Variants in CNTNAP4 observed in about 807,000 individuals in gnomAD.
CNTNAP4 encodes contactin-associated protein-like 4.
CNTNAP4 carries 98 observed loss-of-function variants against 148.4 expected under a neutral mutation model. The observed-to-expected ratio is 0.66, with a 90% CI of 0.56 to 0.78. CNTNAP4 has a LOEUF of 0.78. Ranked by LOEUF, CNTNAP4 falls within the 30% of genes least tolerant of loss-of-function variation. CNTNAP4 has a pLI of 0.00. For missense variants in CNTNAP4, 1,935 were observed against 1,565.6 expected, an observed-to-expected ratio of 1.24 and a Z score of -3.98; for synonymous variants, 730 against 565.1, an observed-to-expected ratio of 1.29 and a Z score of -4.14.
At chr16:76,472,884 C>A (rs761856948) in intron 10 of CNTNAP4, among the ~76,000 whole-genome samples, 1 of 152,048 alleles carries the variant, frequency 6.6e-6, no homozygotes, top group Non-Finnish European at 1.5e-5. Context: ...ATGAAACAAT[C>A]TGTACAACAA....
At chr16:76,330,668 G>C (rs186257046) in intron 2 of CNTNAP4, among the ~76,000 whole-genome samples, 1 of 152,126 alleles carries the variant, frequency 6.6e-6, no homozygotes, top group Non-Finnish European at 1.5e-5. Context: ...TAGCTAGCCC[G>C]TCTTTGCTTA....
intron 2 of CNTNAP4, among the ~76,000 whole-genome samples, chr16:76,327,208 C>G (rs970963074): frequency 6.6e-6 from 1 of 152,158 alleles, no homozygotes; most frequent in Admixed American, 6.5e-5. Flanking sequence ...CCATCACTGC[C>G]TCTCCTGTCT....
intron 3 of CNTNAP4, among the ~76,000 whole-genome samples, chr16:76,374,883 C>T (rs928964564): frequency 6.6e-6 from 1 of 151,804 alleles, no homozygotes; most frequent in Non-Finnish European, 1.5e-5. Flanking sequence ...ATTCTCCTGC[C>T]TCTGCCTCTC....
intron 17 of CNTNAP4, among the ~76,000 whole-genome samples, chr16:76,526,581 T>C (rs1252155814): frequency 6.6e-6 from 1 of 152,190 alleles, no homozygotes; most frequent in Non-Finnish European, 1.5e-5. Flanking sequence ...TCATTGATGT[T>C]AGTGTTTTAC....
intron 2 of CNTNAP4, among the ~76,000 whole-genome samples, chr16:76,354,548 A>G (rs72628210): frequency 0.13 from 19,816 of 152,118 alleles, 2,008 homozygotes; most frequent in East Asian, 0.48. Flanking sequence ...GGCTGGGGTG[A>G]GGGCAGGTGC....
chr16:76,483,066 G>C (rs1431772712), intron 12 of CNTNAP4, among the ~76,000 whole-genome samples: 1 of 152,064 alleles, frequency 6.6e-6, no homozygotes, highest in Admixed American at 6.6e-5. Flanking sequence ...GGATAGGTTG[G>C]ATTGTGAGTG....
intron 3 of CNTNAP4, among the ~76,000 whole-genome samples, chr16:76,401,604 G>A (rs2078420126): frequency 6.6e-6 from 1 of 152,162 alleles, no homozygotes. Flanking sequence ...GTGAGAGGGG[G>A]CATCCTTGTC....
rs543332888 is a variant in CNTNAP4, at chr16:76,525,257, A to G, written c.2755+3000A>G. Among the ~76,000 whole-genome samples the G allele has an allele frequency of 2.4e-3, 360 of 152,068 alleles. 2 individuals are homozygous for G. The highest frequency in any genetic ancestry group is 7.7e-3 in the African/African-American group (320 of 41,496). ...GACACATTATAATTGAAAAGTTTAT[A>G]CTGAATTAGAGTATGGTGAGTGAAA... On this transcript the variant is annotated intron_variant, in intron 17 of 23. Coordinates refer to ENST00000611870, the MANE Select transcript of CNTNAP4 (RefSeq NM_033401.5).
At chr16:76,413,641 C>G (rs1687066049) in intron 3 of CNTNAP4, among the ~76,000 whole-genome samples, 1 of 150,660 alleles carries the variant, frequency 6.6e-6, no homozygotes, top group Admixed American at 6.6e-5. Flanking sequence ...CCACATAAAA[C>G]TTGTAACTAT....
At position 76,475,971 on chromosome 16, in the gene CNTNAP4, A is replaced by G. The variant is rs772795753; in HGVS notation, c.1688A>G (p.Glu563Gly). The change falls in exon 11 of 24, where the codon GAG becomes GGG. Residue 563 changes from glutamate to glycine, a missense_variant. By Grantham distance (98) the Glu-to-Gly change is moderately conservative. Coordinates refer to ENST00000611870, the MANE Select transcript of CNTNAP4 (RefSeq NM_033401.5). ...CLPNYCEHGG[E>G]CSQSWSTFHC... ...CCCAACTATTGTGAACACGGTGGGG[A>G]GTGTTCCCAGTCCTGGAGCACCTTT... 57 of 1,613,688 alleles carry G rather than the reference A, an allele frequency of 3.5e-5. No homozygotes were observed. The highest frequency in any genetic ancestry group is 4.7e-5 in the Non-Finnish European group (56 of 1,179,744).
intron 1 of CNTNAP4, among the ~76,000 whole-genome samples, chr16:76,291,377 G>A (rs1835074): frequency 0.31 from 47,018 of 151,970 alleles, 8,331 homozygotes; most frequent in Non-Finnish European, 0.41. Context: ...TGGACATGGG[G>A]GTACCACTAT....
At chr16:76,301,275 A>T (rs532083104) in intron 1 of CNTNAP4, among the ~76,000 whole-genome samples, 1 of 152,320 alleles carries the variant, frequency 6.6e-6, no homozygotes, top group African/African-American at 2.4e-5. Flanking sequence ...AGCCATCATC[A>T]TATTAATAGC....
intron 3 of CNTNAP4, among the ~76,000 whole-genome samples, chr16:76,411,289 A>G (rs4353505): frequency 0.35 from 52,887 of 151,210 alleles, 10,902 homozygotes; most frequent in Non-Finnish European, 0.44. Flanking sequence ...TGGGAAAACA[A>G]TTAGCAATTT....
chr16:76,342,265 A>C (rs1490780314), intron 2 of CNTNAP4, among the ~76,000 whole-genome samples: 1 of 152,106 alleles, frequency 6.6e-6, no homozygotes, highest in Admixed American at 6.6e-5. Context: ...GCTTGCATTT[A>C]ATTTTGCAAA....
intron 1 of CNTNAP4, among the ~76,000 whole-genome samples, chr16:76,308,888 G>A (rs925671120): frequency 4.0e-5 from 6 of 151,870 alleles, no homozygotes; most frequent in African/African-American, 1.2e-4. Context: ...GCAGTGGTGC[G>A]ATCATAGCTC....
chr16:76,378,983 A>G (rs944577582), intron 3 of CNTNAP4, among the ~76,000 whole-genome samples: 2 of 152,148 alleles, frequency 1.3e-5, no homozygotes, highest in Non-Finnish European at 2.9e-5. Context: ...CTTTGACTCA[A>G]AGTTTGTGAC....
intron 2 of CNTNAP4, among the ~76,000 whole-genome samples, chr16:76,321,694 C>A (rs1483741326): frequency 6.7e-6 from 1 of 148,184 alleles, no homozygotes; most frequent in Non-Finnish European, 1.5e-5. Context: ...GAGGCTGGGG[C>A]AGGAGAATGG....
intron 13 of CNTNAP4, among the ~76,000 whole-genome samples, chr16:76,493,040 A>G (rs1162721570): frequency 5.3e-5 from 8 of 152,138 alleles, no homozygotes; most frequent in Admixed American, 4.6e-4. Context: ...GAGGGGATCT[A>G]GAAAGGCATG....
intron 21 of CNTNAP4, among the ~76,000 whole-genome samples, chr16:76,548,226 G>T (rs1252469966): frequency 2.0e-5 from 3 of 150,502 alleles, no homozygotes; most frequent in Non-Finnish European, 4.4e-5. Context: ...TTGAGTCCCT[G>T]GTGGAATTGC....
Sources: allele counts gnomAD v4.1 joint callset (sites outside exome capture counted in the v4.1 genomes callset), GRCh38; gene constraint gnomAD v4.1.1; transcripts MANE v1.5; gene names NCBI Gene and HGNC (gene_info 2026-07-23, HGNC 2026-07-21).